TXLNG: variants seen among roughly 807,000 people sequenced by gnomAD.
TXLNG encodes gamma-taxilin.
Under a neutral mutation model 38.8 loss-of-function variants are expected in TXLNG, and 5 were observed. The ratio of observed to expected loss-of-function variants is 0.13; its 90% CI spans 0.07 to 0.27. The LOEUF (loss-of-function observed/expected upper bound fraction) is 0.27. TXLNG is among the 10% of genes least tolerant of loss of function. The pLI, the probability that TXLNG is intolerant of heterozygous loss-of-function variation, is 1.00. For synonymous variants in TXLNG, 182 were observed against 158.2 expected (o/e 1.15, Z -1.13); for missense variants, 393 against 398.2 (o/e 0.99, Z 0.11).
chrX:16,827,556 G>A (rs1355767502), intron 3 of TXLNG, among the ~76,000 whole-genome samples: 3 of 111,834 alleles, frequency 2.7e-5, no homozygotes, highest in Non-Finnish European at 3.8e-5. Flanking sequence ...GGAAGTTGAG[G>A]AGCCCATGTT....
chrX:16,837,165 C>T (rs1468405533), intron 7 of TXLNG, among the ~76,000 whole-genome samples: 1 of 112,045 alleles, frequency 8.9e-6, no homozygotes, highest in African/African-American at 3.2e-5. Flanking sequence ...CAAACCAATT[C>T]TTTGGCTTCT....
intron 3 of TXLNG, among the ~76,000 whole-genome samples, chrX:16,821,908 G>C (rs932886845): frequency 2.7e-5 from 3 of 109,974 alleles, no homozygotes; most frequent in Admixed American, 1.9e-4. Context: ...GCAGGAGAAT[G>C]GCATGAACCC....
intron 5 of TXLNG, among the ~76,000 whole-genome samples, chrX:16,832,089 C>A (rs1461664352): frequency 8.9e-6 from 1 of 112,148 alleles, no homozygotes; most frequent in Admixed American, 9.5e-5. Flanking sequence ...TGGAGGTATC[C>A]CCCTGTACAG....
At chrX:16,834,422 A>G (rs759765123) in intron 7 of TXLNG, 65 bp downstream of exon 7, 1 of 986,533 alleles carries the variant, frequency 1.0e-6, no homozygotes, top group East Asian at 3.2e-5. Flanking sequence ...GATTCTGCAT[A>G]TCTTCAATCT....
chrX:16,805,825 G>C (rs1372907784), intron 1 of TXLNG, among the ~76,000 whole-genome samples: 2 of 112,411 alleles, frequency 1.8e-5, no homozygotes, highest in Non-Finnish European at 3.8e-5. Flanking sequence ...ATATTGTAGA[G>C]ACATGTATAC....
intron 1 of TXLNG, among the ~76,000 whole-genome samples, chrX:16,790,045 G>A (rs1040116910): frequency 1.8e-5 from 2 of 110,574 alleles, no homozygotes; most frequent in African/African-American, 6.6e-5. Flanking sequence ...TGATCTGCCC[G>A]CCTCGGCCTC....
chrX:16,820,149 C>T lies in TXLNG; in HGVS notation c.407-15C>T. On this transcript the variant is annotated splice_polypyrimidine_tract_variant and intron_variant, in intron 2 of 9. Coordinates refer to ENST00000380122, the MANE Select transcript of TXLNG (RefSeq NM_018360.3). The stretch of plus-strand genomic sequence containing the variant: ...CATTCTTCTGGGACTTATTTCTTTT[C>T]TTGTTAACCATCAGGAAAAGAAGTT... 1 of 1,177,468 alleles carries T rather than the reference C, an allele frequency of 8.5e-7. No individual in the cohort carries two copies. The highest frequency in any genetic ancestry group is 1.1e-6 in the Non-Finnish European group (1 of 870,269).
At chrX:16,837,513 C>CGGTT (rs1569273163) in intron 7 of TXLNG, 80 bp from the exon 8 acceptor site, 16 of 664,353 alleles carry the variant, frequency 2.4e-5, no homozygotes, top group Non-Finnish European at 3.4e-5. Flanking sequence ...AATAAGTAAC[C>CGGTT]ATACTACGTT....
intron 3 of TXLNG, 122 bp from the exon 4 acceptor site, chrX:16,827,972 A>G: frequency 1.8e-6 from 1 of 557,415 alleles, no homozygotes; most frequent in Non-Finnish European, 2.6e-6. Flanking sequence ...CAATTTAAAT[A>G]ATATATTAAA....
At chrX:16,807,089 AAAC>A (rs1928360664) in intron 1 of TXLNG, among the ~76,000 whole-genome samples, 2 of 110,828 alleles carry the variant, frequency 1.8e-5, no homozygotes, top group African/African-American at 3.3e-5. Context: ...GTCTTAAAAC[AAAC>A]AAAACAAAAA....
intron 4 of TXLNG, 38 bp downstream of exon 4, chrX:16,828,302 CTT>C (rs1929247903): frequency 8.8e-7 from 1 of 1,136,919 alleles, no homozygotes; most frequent in East Asian, 3.0e-5. Context: ...TCAGGAGGGA[CTT>C]ATCTGATTTC....
chrX:16,841,657 C>T lies in TXLNG; in HGVS notation c.1478C>T (p.Ser493Leu), dbSNP rs753870924. ...TCTCACAAGGAGCTGAACACTTCCT[C>T]GAAAAGAGCCCTGGGAGCGCACCTG... The part of the protein sequence containing the change: ...LDSHKELNTS[S>L]KRALGAHLEA... Residue 493 changes from serine to leucine, a missense_variant, in exon 10 of 10, where the codon TCG becomes TTG. Coordinates refer to ENST00000380122, the MANE Select transcript of TXLNG (RefSeq NM_018360.3). 1.1e-5 allele frequency: 13 copies of T among 1,209,748 alleles called. No homozygotes were observed. The highest frequency in any genetic ancestry group is 1.2e-5 in the Non-Finnish European group (11 of 895,226).
At chrX:16,841,399 G>A (rs1397999344) in intron 9 of TXLNG, 29 bp from the exon 10 acceptor site, 10 of 1,158,948 alleles carry the variant, frequency 8.6e-6, no homozygotes, top group Non-Finnish European at 1.2e-5. Flanking sequence ...TATTTAACAG[G>A]GTTACAGAAA....
intron 5 of TXLNG, among the ~76,000 whole-genome samples, chrX:16,830,922 T>C (rs913391324): frequency 2.0e-5 from 2 of 99,140 alleles, no homozygotes; most frequent in African/African-American, 7.6e-5. Context: ...CCCAGGCTGG[T>C]CTTGAACTCC....
Position 16,841,672 on chromosome X carries a change from G to C in TXLNG, c.1493G>C (p.Gly498Ala). ...AACACTTCCTCGAAAAGAGCCCTGG[G>C]AGCGCACCTGGAGGCTGAGCCCAAG... ...ELNTSSKRAL[G>A]AHLEAEPKSQ... Residue 498 changes from glycine to alanine, a missense_variant, in exon 10 of 10, where the codon GGA (glycine) becomes GCA (alanine). Coordinates refer to ENST00000380122, the MANE Select transcript of TXLNG (RefSeq NM_018360.3). The C allele has an allele frequency of 8.3e-7, 1 of 1,211,879 alleles. No homozygotes were observed. Among genetic ancestry groups the C allele is most frequent in the Non-Finnish European group, 1.1e-6 (1 of 895,573 alleles).
intron 1 of TXLNG, among the ~76,000 whole-genome samples, chrX:16,811,245 A>G (rs1029728341): frequency 8.9e-6 from 1 of 112,427 alleles, no homozygotes; most frequent in Non-Finnish European, 1.9e-5. Context: ...CATACAATTA[A>G]AAGGAAAATA....
chrX:16,815,763 G>C (rs1928716185), intron 1 of TXLNG, among the ~76,000 whole-genome samples: 1 of 109,554 alleles, frequency 9.1e-6, no homozygotes, highest in Non-Finnish European at 1.9e-5. Flanking sequence ...CTTGTGATCT[G>C]CCCGTCTCGT....
At chrX:16,828,365 C>CA in intron 4 of TXLNG, 101 bp downstream of exon 4, 7 of 831,870 alleles carry the variant, frequency 8.4e-6, no homozygotes, top group Non-Finnish European at 1.2e-5. Flanking sequence ...TACTTGGAGA[C>CA]AGATACTGCC....
chrX:16,838,597 C>T (rs1205796615), intron 8 of TXLNG, among the ~76,000 whole-genome samples: 1 of 112,031 alleles, frequency 8.9e-6, no homozygotes, highest in Non-Finnish European at 1.9e-5. Context: ...ACTCAGTTAC[C>T]ATGTGGCTGA....
Sources: allele counts gnomAD v4.1 joint callset (sites outside exome capture counted in the v4.1 genomes callset), GRCh38; gene constraint gnomAD v4.1.1; transcripts MANE v1.5; gene names NCBI Gene and HGNC (gene_info 2026-07-23, HGNC 2026-07-21).